Variants in BRINP3 observed in about 807,000 individuals in gnomAD.
BRINP3 encodes the protein BMP/retinoic acid inducible neural specific 3.
In BRINP3, 19 loss-of-function variants were observed where a neutral mutation model predicts 71.0. The observed-to-expected ratio is 0.27, with a 90% confidence interval of 0.19 to 0.39. The LOEUF (loss-of-function observed/expected upper bound fraction) is 0.39, where lower values mean the gene tolerates loss of function less well. BRINP3 is among the 10% of genes least tolerant of loss of function. The pLI, the probability that BRINP3 is intolerant of heterozygous loss-of-function variation, is 1.00. For missense variants in BRINP3, 959 were observed against 940.8 expected (o/e 1.02, Z -0.25); for synonymous variants, 380 against 337.7 (o/e 1.13, Z -1.37).
chr1:190,386,331 A>T (rs2102280082), intron 2 of BRINP3, among the ~76,000 whole-genome samples: 1 of 151,840 alleles, frequency 6.6e-6, no homozygotes, highest in South Asian at 2.1e-4. Context: ...AACTAAAATC[A>T]ATGCTGCAGG....
chr1:190,446,023 A>T (rs1351543362), intron 2 of BRINP3, among the ~76,000 whole-genome samples: 1 of 152,124 alleles, frequency 6.6e-6, no homozygotes, highest in African/African-American at 2.4e-5. Context: ...TACAAAAGCC[A>T]TATTTTTAAT....
chr1:190,336,648 T>G (rs992321087), intron 2 of BRINP3, among the ~76,000 whole-genome samples: 4 of 152,080 alleles, frequency 2.6e-5, no homozygotes, highest in African/African-American at 9.7e-5. Context: ...AAATTAAAAC[T>G]GGTGTAGACA....
chr1:190,231,318 A>AT (rs1328702398), intron 5 of BRINP3, among the ~76,000 whole-genome samples: 5 of 151,792 alleles, frequency 3.3e-5, no homozygotes, highest in Non-Finnish European at 7.4e-5. Flanking sequence ...GCATCATTCA[A>AT]TTTTTATTAT....
intron 2 of BRINP3, among the ~76,000 whole-genome samples, chr1:190,421,630 A>T (rs1673392683): frequency 6.6e-6 from 1 of 151,730 alleles, no homozygotes. Flanking sequence ...CATGTCACTT[A>T]TGTGACCATA....
chr1:190,443,534 T>A (rs1674982523), intron 2 of BRINP3, among the ~76,000 whole-genome samples: 1 of 152,100 alleles, frequency 6.6e-6, no homozygotes, highest in South Asian at 2.1e-4. Flanking sequence ...GCAAACAAAA[T>A]GGACACTCTG....
intron 6 of BRINP3, among the ~76,000 whole-genome samples, chr1:190,205,506 T>C (rs571998031): frequency 6.6e-6 from 1 of 152,012 alleles, no homozygotes. Flanking sequence ...AATATGGGAG[T>C]TGGGCAAAAG....
intron 6 of BRINP3, among the ~76,000 whole-genome samples, chr1:190,198,223 CT>C (rs1187742557): frequency 6.6e-6 from 1 of 152,158 alleles, no homozygotes; most frequent in Non-Finnish European, 1.5e-5. Flanking sequence ...TTTTTTTCTC[CT>C]AGGCCTATAG....
chr1:190,312,452 A>G (rs1275108868), intron 2 of BRINP3, among the ~76,000 whole-genome samples: 1 of 151,630 alleles, frequency 6.6e-6, no homozygotes, highest in East Asian at 1.9e-4. Flanking sequence ...AAATATATCT[A>G]TTCTACCCTG....
chr1:190,114,101 C>A (rs1199000532), intron 7 of BRINP3, among the ~76,000 whole-genome samples: 1 of 152,086 alleles, frequency 6.6e-6, no homozygotes, highest in African/African-American at 2.4e-5. Context: ...ATCATGGGGG[C>A]AGAGTTCTCA....
chr1:190,238,781 A>C (rs1571462749), intron 4 of BRINP3, among the ~76,000 whole-genome samples: 1 of 152,286 alleles, frequency 6.6e-6, no homozygotes, highest in African/African-American at 2.4e-5. Flanking sequence ...ACAGCCAACA[A>C]AAATGTGAAC....
chr1:190,198,414 T>C (rs1461650573), intron 6 of BRINP3, among the ~76,000 whole-genome samples: 1 of 152,220 alleles, frequency 6.6e-6, no homozygotes, highest in African/African-American at 2.4e-5. Context: ...CTGCAAATTT[T>C]CTGAACTTTT....
chr1:190,119,509 G>T (rs1310136764), intron 7 of BRINP3, among the ~76,000 whole-genome samples: 1 of 152,028 alleles, frequency 6.6e-6, no homozygotes, highest in African/African-American at 2.4e-5. Context: ...GTCTGACCTT[G>T]TGATCCTCCC....
At chr1:190,144,858 A>C (rs185649279) in intron 7 of BRINP3, among the ~76,000 whole-genome samples, 30 of 152,174 alleles carry the variant, frequency 2.0e-4, no homozygotes, top group Admixed American at 1.8e-3. Context: ...GCCCCACTGC[A>C]CCTCAGGAAT....
chr1:190,369,214 T>C (rs886236542), intron 2 of BRINP3, among the ~76,000 whole-genome samples: 1 of 152,178 alleles, frequency 6.6e-6, no homozygotes. Context: ...TTTGTTGTTA[T>C]TATAATCGGG....
At chr1:190,209,808 T>C (rs1655826439) in intron 6 of BRINP3, among the ~76,000 whole-genome samples, 1 of 152,156 alleles carries the variant, frequency 6.6e-6, no homozygotes, top group Admixed American at 6.6e-5. Flanking sequence ...TTGCTGTCTT[T>C]ATTTTTCAGT....
chr1:190,452,244 A>C (rs1374301354), intron 2 of BRINP3, among the ~76,000 whole-genome samples: 1 of 152,200 alleles, frequency 6.6e-6, no homozygotes, highest in East Asian at 1.9e-4. Flanking sequence ...CTAATGAATA[A>C]ATTATACTGT....
intron 2 of BRINP3, among the ~76,000 whole-genome samples, chr1:190,403,635 A>G (rs145601661): frequency 6.6e-6 from 1 of 152,246 alleles, no homozygotes; most frequent in East Asian, 1.9e-4. Context: ...GAGTCAACAC[A>G]TCAGTGTATT....
At chr1:190,270,810 C>A (rs191436425) in intron 3 of BRINP3, among the ~76,000 whole-genome samples, 102 of 151,686 alleles carry the variant, frequency 6.7e-4, no homozygotes, top group Non-Finnish European at 1.1e-3. Flanking sequence ...TTCGGCTATT[C>A]CCAGATGATT....
intron 2 of BRINP3, among the ~76,000 whole-genome samples, chr1:190,402,820 C>G (rs994401342): frequency 2.0e-5 from 3 of 152,194 alleles, no homozygotes; most frequent in Non-Finnish European, 1.5e-5. Flanking sequence ...CAGCCTCAAC[C>G]TCCCAGGCTC....
Sources: allele counts gnomAD v4.1 joint callset (sites outside exome capture counted in the v4.1 genomes callset), GRCh38; gene constraint gnomAD v4.1.1; transcripts MANE v1.5; gene names NCBI Gene and HGNC (gene_info 2026-07-23, HGNC 2026-07-21).